Variants in TENM4 observed in about 807,000 individuals in gnomAD.
TENM4 encodes the protein teneurin transmembrane protein 4, also known as teneurin-4.
In TENM4, 82 loss-of-function variants were observed where a neutral mutation model predicts 243.3. That is an observed-to-expected ratio of 0.34 (90% CI 0.28 to 0.40). The LOEUF (loss-of-function observed/expected upper bound fraction) is 0.40, where lower values mean the gene tolerates loss of function less well. Ranked by LOEUF, TENM4 falls within the 10% of genes least tolerant of loss-of-function variation. The probability of loss-of-function intolerance (pLI) is 1.00; values close to 1 mark genes in which losing one functional copy is unlikely to be tolerated. For synonymous variants in TENM4, 1,412 were observed against 1,456.3 expected, an observed-to-expected ratio of 0.97 and a Z score of 0.69; for missense variants, 3,138 against 3,673.3, an observed-to-expected ratio of 0.85 and a Z score of 3.77.
chr11:79,380,042 C>A (rs1371689934), intron 1 of TENM4, among the ~76,000 whole-genome samples: 1 of 152,062 alleles, frequency 6.6e-6, no homozygotes, highest in South Asian at 2.1e-4. Context: ...AAAGTGAGGG[C>A]AGGGCTGGTG....
At chr11:79,323,806 A>T (rs7124452) in intron 1 of TENM4, among the ~76,000 whole-genome samples, 30,198 of 152,114 alleles carry the variant, frequency 0.2, 3,248 homozygotes, top group East Asian at 0.34. Context: ...TGCACTGCAG[A>T]TTTTGGACTT....
chr11:78,984,881 G>T (rs1857883551), intron 6 of TENM4, among the ~76,000 whole-genome samples: 1 of 152,104 alleles, frequency 6.6e-6, no homozygotes, highest in African/African-American at 2.4e-5. Flanking sequence ...AGCGATCAGT[G>T]GTTCCACGCA....
intron 2 of TENM4, among the ~76,000 whole-genome samples, chr11:79,259,778 A>G (rs1198731490): frequency 2.0e-5 from 3 of 152,220 alleles, no homozygotes; most frequent in African/African-American, 7.2e-5. Context: ...CTATGTACTC[A>G]CTATGGCGCT....
rs568544327 is a variant in TENM4, at chr11:78,669,880, C to G, written c.6465G>C (p.Gln2155His). 5.0e-6 allele frequency: 8 copies of G among 1,613,828 alleles called. No homozygotes were observed. In the East Asian group the frequency reaches 1.6e-4, roughly 31 times the overall value. Reference sequence around the variant, plus strand: ...ACATGAGCGAGCGGAAGATCTCATACTGCACTTCCTTCATCCTGCCATATG... The same window carrying G: ...ACATGAGCGAGCGGAAGATCTCATAGTGCACTTCCTTCATCCTGCCATATG... Reference protein sequence around the residue: ...FDAYGRMKEVQYEIFRSLMYW... With the variant: ...FDAYGRMKEVHYEIFRSLMYW... The change falls in exon 32 of 34, where the codon CAG (glutamine) becomes CAC (histidine). Residue 2155 changes from glutamine (Q) to histidine (H), a missense_variant. Gln to His is a conservative substitution (Grantham distance 24, BLOSUM62 0). This residue lies in a region of TENM4 where 2,467 missense variants were observed against 3,059.1 expected (regional missense o/e 0.81). Coordinates refer to ENST00000278550, the MANE Select transcript of TENM4 (RefSeq NM_001098816.3). This position sits in a 1 kb window ranked among gnomAD's most constrained non-coding sequence, Gnocchi z 6.4.
intron 6 of TENM4, among the ~76,000 whole-genome samples, chr11:78,941,279 A>G (rs1856889109): frequency 6.6e-6 from 1 of 152,244 alleles, no homozygotes; most frequent in Non-Finnish European, 1.5e-5. Flanking sequence ...AAATGAGACC[A>G]GAGACATAAA....
chr11:79,012,941 T>A (rs1465488287), intron 6 of TENM4, among the ~76,000 whole-genome samples: 3 of 152,166 alleles, frequency 2.0e-5, no homozygotes, highest in Admixed American at 2.0e-4. Context: ...ACACTGAGGC[T>A]CCAGGGGATG....
rs577639533 is a variant in TENM4, at chr11:78,756,703, C to T, written c.2756+102G>A. 1.2e-4 allele frequency: 130 copies of T among 1,127,166 alleles called. No individual in the cohort carries two copies. The Admixed American group carries it at 1.2e-3, about 10-fold the overall frequency. The allele number at this position is 1,127,166 out of a possible 1,614,324, so 69.8% of individuals were successfully genotyped here. On this transcript the variant is annotated intron_variant, in intron 19 of 33. Coordinates refer to ENST00000278550, the MANE Select transcript of TENM4 (RefSeq NM_001098816.3). The stretch of plus-strand genomic sequence containing the variant: ...CCATCAGGAACCATGGATGCTCTCA[C>T]GTTCCTGGCTTCCTCCCACCCCCAT...
At chr11:79,016,551 A>G (rs1306519891) in intron 6 of TENM4, among the ~76,000 whole-genome samples, 1 of 152,182 alleles carries the variant, frequency 6.6e-6, no homozygotes, top group African/African-American at 2.4e-5. Context: ...ATGGTTGGAA[A>G]CAGAAGTTTA....
At chr11:78,751,930 T>A (rs1203068763) in intron 19 of TENM4, among the ~76,000 whole-genome samples, 1 of 152,198 alleles carries the variant, frequency 6.6e-6, no homozygotes, top group African/African-American at 2.4e-5. Context: ...ATTCTCCCCA[T>A]GACTCCATGG....
chr11:79,382,626 G>A (rs538615815), intron 1 of TENM4, among the ~76,000 whole-genome samples: 73 of 152,124 alleles, frequency 4.8e-4, no homozygotes, highest in Non-Finnish European at 5.9e-5. Context: ...TTGTAAACAT[G>A]GAGACCTGAG....
chr11:79,245,393 A>AT (rs1203187112), intron 2 of TENM4, among the ~76,000 whole-genome samples: 2 of 152,230 alleles, frequency 1.3e-5, no homozygotes, highest in Admixed American at 6.5e-5. Context: ...ATCAAAATAC[A>AT]TTTTTTCATG....
intron 3 of TENM4, among the ~76,000 whole-genome samples, chr11:79,200,257 A>G (rs1433803046): frequency 6.6e-6 from 1 of 152,202 alleles, no homozygotes; most frequent in African/African-American, 2.4e-5. Context: ...CAGTCTCAGA[A>G]TCCTTCAGAA....
rs1414431343 is a variant in TENM4, at chr11:78,781,049, T to C, written c.2366-2421A>G. Among the ~76,000 whole-genome samples, 4 of 152,232 alleles carry C rather than the reference T, an allele frequency of 2.6e-5. No individual in the cohort carries two copies. The East Asian group carries it at 7.7e-4, about 29-fold the overall frequency. On this transcript the variant is annotated intron_variant, in intron 16 of 33. Transcript: ENST00000278550. Reference sequence around the variant, plus strand: ...TTTCCGGGAATGGAATGGAGCTTCCTTGTCTCTGGCTATTGAAAATGGGAG... The same window carrying C: ...TTTCCGGGAATGGAATGGAGCTTCCCTGTCTCTGGCTATTGAAAATGGGAG...
At chr11:79,279,144 G>C (rs1310058610) in intron 2 of TENM4, among the ~76,000 whole-genome samples, 1 of 152,162 alleles carries the variant, frequency 6.6e-6, no homozygotes, top group East Asian at 1.9e-4. Context: ...ACCACATTAG[G>C]GACTCCTTGG....
At chr11:78,868,885 T>C (rs1453651767) in intron 9 of TENM4, among the ~76,000 whole-genome samples, 1 of 152,004 alleles carries the variant, frequency 6.6e-6, no homozygotes, top group African/African-American at 2.4e-5. Context: ...ACCACGCAGC[T>C]ACCCACTTTT....
At chr11:79,245,314 A>C (rs1026365875) in intron 2 of TENM4, among the ~76,000 whole-genome samples, 1 of 152,232 alleles carries the variant, frequency 6.6e-6, no homozygotes, top group African/African-American at 2.4e-5. Flanking sequence ...GTCAGAGCCC[A>C]GATTACAGTA....
At chr11:79,308,198 C>A (rs913516504) in intron 1 of TENM4, among the ~76,000 whole-genome samples, 4 of 152,338 alleles carry the variant, frequency 2.6e-5, no homozygotes, top group South Asian at 2.1e-4. Flanking sequence ...AGGGCCTTCG[C>A]CTTTTTGTCC....
At chr11:78,944,015 C>G (rs138556933) in intron 6 of TENM4, among the ~76,000 whole-genome samples, 1 of 152,182 alleles carries the variant, frequency 6.6e-6, no homozygotes, top group African/African-American at 2.4e-5. Context: ...CTTTCACATG[C>G]CTTATCTCAC....
chr11:79,287,716 G>A (rs568579558), intron 2 of TENM4, among the ~76,000 whole-genome samples: 15 of 152,242 alleles, frequency 9.9e-5, no homozygotes, highest in African/African-American at 2.9e-4. Context: ...CAAATCTGTA[G>A]CAAAAAAGAG....
Sources: gnomAD v4.1 joint callset for allele counts (sites outside exome capture counted in the v4.1 genomes callset) on GRCh38, gnomAD v4.1.1 for gene constraint, gnomAD v4.1.1 regional missense constraint, Gnocchi (gnomAD v3.1) non-coding constraint, MANE v1.5 for transcripts, NCBI Gene and HGNC (gene_info 2026-07-23, HGNC 2026-07-21) for gene names.